ABI3BP: variants seen among roughly 807,000 people sequenced by gnomAD.
ABI3BP encodes target of Nesh-SH3.
A neutral mutation model predicts 268.6 loss-of-function variants in ABI3BP; 216 were observed. The observed-to-expected ratio is 0.80, with a 90% confidence interval of 0.72 to 0.90. ABI3BP has a LOEUF of 0.90. Among genes scored for constraint, ABI3BP ranks in the 40% least tolerant of loss-of-function variants. The pLI is 0.00. For missense variants in ABI3BP, 2,090 were observed against 2,182.4 expected (o/e 0.96, Z 0.84); for synonymous variants, 730 against 730.0 (o/e 1.00, Z 0.00).
intron 14 of ABI3BP, among the ~76,000 whole-genome samples, chr3:100,854,566 G>T (rs1197014966): frequency 6.6e-6 from 1 of 152,166 alleles, no homozygotes; most frequent in South Asian, 2.1e-4. Flanking sequence ...AGAGTTAAGG[G>T]TGAACCCTTC....
chr3:100,876,667 C>G (rs184381645), intron 6 of ABI3BP, 107 bp from the exon 7 acceptor site: 1 of 954,296 alleles, frequency 1.0e-6, no homozygotes, highest in Non-Finnish European at 1.6e-6. Flanking sequence ...TCAATGAAGT[C>G]TCCTGTGACA....
intron 1 of ABI3BP, among the ~76,000 whole-genome samples, chr3:100,927,081 CT>C (rs2062018905): frequency 6.6e-6 from 1 of 152,072 alleles, no homozygotes; most frequent in African/African-American, 2.4e-5. Flanking sequence ...AGTGGGATTT[CT>C]AAGTGTGATA....
chr3:100,976,923 C>CA (rs1303122550), intron 1 of ABI3BP, among the ~76,000 whole-genome samples: 1 of 152,252 alleles, frequency 6.6e-6, no homozygotes, highest in Non-Finnish European at 1.5e-5. Context: ...GAATGAAAGA[C>CA]AAGGCCAACT....
Position 100,838,463 on chromosome 3 carries a change from G to C in ABI3BP, c.1947C>G (p.Ala649=). Residue 649 remains alanine, a splice_region_variant and synonymous_variant, in exon 25 of 68, where the codon GCC becomes GCG. Transcript: ENST00000471714. ...TTTTAGGTCTCTCAGATGGTTTTGA[G>C]GCTAAAGAAAAAGGTATTAAAATTA... ...IQPEPLVPTT[A]SKPSERPKTT... 1 of 1,535,290 alleles carries C rather than the reference G, an allele frequency of 6.5e-7. No individual in the cohort carries two copies. Among genetic ancestry groups the C allele is most frequent in the Non-Finnish European group, 8.7e-7 (1 of 1,146,376 alleles).
chr3:100,927,761 T>G (rs1221751945), intron 1 of ABI3BP, among the ~76,000 whole-genome samples: 1 of 152,040 alleles, frequency 6.6e-6, no homozygotes, highest in Non-Finnish European at 1.5e-5. Flanking sequence ...ACCTCTAACA[T>G]TGGGGATTAC....
intron 6 of ABI3BP, among the ~76,000 whole-genome samples, chr3:100,882,129 G>A (rs2039599363): frequency 1.3e-5 from 2 of 152,080 alleles, no homozygotes; most frequent in African/African-American, 2.4e-5. Flanking sequence ...TAAGGTTTCA[G>A]GTGTAAGCAT....
At chr3:100,760,254 A>G (rs1182778362) in intron 63 of ABI3BP, among the ~76,000 whole-genome samples, 1 of 152,254 alleles carries the variant, frequency 6.6e-6, no homozygotes, top group Non-Finnish European at 1.5e-5. Context: ...GGAAATTATT[A>G]GACCACATGT....
intron 34 of ABI3BP, 124 bp downstream of exon 34, chr3:100,828,269 C>T (rs1162739724): frequency 6.4e-6 from 5 of 786,976 alleles, no homozygotes; most frequent in Non-Finnish European, 1.0e-5. Flanking sequence ...GAGCAAGAGG[C>T]AACTTGTTTT....
At chr3:100,799,628 A>C (rs548528121) in intron 51 of ABI3BP, among the ~76,000 whole-genome samples, 1 of 152,042 alleles carries the variant, frequency 6.6e-6, no homozygotes, top group East Asian at 1.9e-4. Context: ...TTCTCTTCTT[A>C]GGCCTTTTCC....
Position 100,808,224 on chromosome 3 carries a change from T to C in ABI3BP, c.3619A>G (p.Thr1207Ala), listed in dbSNP as rs2097765257. The C allele has an allele frequency of 1.2e-6, 2 of 1,610,198 alleles. No homozygotes were observed. The highest frequency in any genetic ancestry group is 1.7e-6 in the Non-Finnish European group (2 of 1,177,894). ...EPQTEPAPKQTPRAPPKPKTS... is the reference protein window; with the variant it reads ...EPQTEPAPKQAPRAPPKPKTS... Reference sequence around the variant, plus strand: ...TTTGGCTTAGGAGGAGCACGTGGTGTCTGCTTGGGAGCTAAAAGAAAGGAT... The same window carrying C: ...TTTGGCTTAGGAGGAGCACGTGGTGCCTGCTTGGGAGCTAAAAGAAAGGAT... The change falls in exon 50 of 68, where the codon ACA (threonine) becomes GCA (alanine). Residue 1207 changes from threonine to alanine, a missense_variant. By Grantham distance (58) the Thr-to-Ala change is moderately conservative. Coordinates refer to ENST00000471714, the MANE Select transcript of ABI3BP (RefSeq NM_001375547.2).
rs1319222956 is a variant in ABI3BP, at chr3:100,862,376, T to C, written c.1220A>G (p.Glu407Gly). 6.3e-7 allele frequency: 1 copy of C among 1,595,342 alleles called. No individual in the cohort carries two copies. ...AGCTGTAGGCACAATCCATGGCTTTTCACTTGAAGCTATATTGAAAAGAAA... is the reference window on the plus strand; with the variant it reads ...AGCTGTAGGCACAATCCATGGCTTTCCACTTGAAGCTATATTGAAAAGAAA... ...EKPRGTLASSEKPWIVPTAKI... is the reference protein window; with the variant it reads ...EKPRGTLASSGKPWIVPTAKI... Residue 407 changes from glutamate to glycine, a missense_variant, in exon 14 of 68, where the codon GAA becomes GGA. Transcript: ENST00000471714.
At chr3:100,841,800 G>T (rs2098706929) in intron 21 of ABI3BP, among the ~76,000 whole-genome samples, 198 bp downstream of exon 21, 1 of 151,180 alleles carries the variant, frequency 6.6e-6, no homozygotes, top group Non-Finnish European at 1.5e-5. Context: ...TGAGGCAGGA[G>T]AATTGCTTGA....
chr3:100,789,366 G>C, intron 56 of ABI3BP, 88 bp downstream of exon 56: 1 of 1,259,920 alleles, frequency 7.9e-7, no homozygotes. Context: ...CAATGTAAGG[G>C]TTCCCCTTTG....
chr3:100,967,696 A>G (rs9825288), intron 1 of ABI3BP, among the ~76,000 whole-genome samples: 24,771 of 152,036 alleles, frequency 0.16, 2,155 homozygotes, highest in Middle Eastern at 0.23. Flanking sequence ...TTCAAAAACA[A>G]TTCAATAAGG....
chr3:100,910,569 C>T (rs1043133172), intron 2 of ABI3BP, among the ~76,000 whole-genome samples: 1 of 150,832 alleles, frequency 6.6e-6, no homozygotes, highest in Non-Finnish European at 1.5e-5. Flanking sequence ...AGAGATGGGT[C>T]TCACTATGCT....
chr3:100,913,341 C>T (rs750007881), intron 2 of ABI3BP, among the ~76,000 whole-genome samples: 13 of 152,114 alleles, frequency 8.5e-5, no homozygotes, highest in Admixed American at 3.3e-4. Flanking sequence ...GAATCAATAA[C>T]GACTACAGAA....
intron 38 of ABI3BP, 141 bp from the exon 39 acceptor site, chr3:100,821,254 A>G: frequency 1.4e-6 from 1 of 697,254 alleles, no homozygotes; most frequent in Non-Finnish European, 2.3e-6. Context: ...AAAACTAAAA[A>G]AGTAGACAGT....
intron 17 of ABI3BP, among the ~76,000 whole-genome samples, chr3:100,849,277 A>C (rs892134561): frequency 7.5e-6 from 1 of 133,214 alleles, no homozygotes; most frequent in Non-Finnish European, 1.5e-5. Context: ...CCCAGGCTGG[A>C]GTGCGTGGCG....
At chr3:100,779,060 A>G (rs2096792257) in intron 58 of ABI3BP, among the ~76,000 whole-genome samples, 1 of 152,226 alleles carries the variant, frequency 6.6e-6, no homozygotes, top group Non-Finnish European at 1.5e-5. Flanking sequence ...ACAATTTCTT[A>G]TACCATTTTA....
Sources: gnomAD v4.1 joint callset for allele counts (sites outside exome capture counted in the v4.1 genomes callset) on GRCh38, gnomAD v4.1.1 for gene constraint, MANE v1.5 for transcripts, NCBI Gene and HGNC (gene_info 2026-07-23, HGNC 2026-07-21) for gene names.